The following ENTREP2 variants were observed in gnomAD, a reference collection of about 807,000 sequenced individuals.
ENTREP2 encodes the protein endosomal transmembrane epsin interactor 2, also known as protein ENTREP2.
chr15:29,653,034 T>C, the ENTREP2 span, among the ~76,000 whole-genome samples: 1 of 152,184 alleles, frequency 6.6e-6, no homozygotes, highest in Non-Finnish European at 1.5e-5. Flanking sequence ...GCAAGAAGTG[T>C]ATCCTTGGAT....
At chr15:29,501,795 C>T in the ENTREP2 span, among the ~76,000 whole-genome samples, 2 of 151,914 alleles carry the variant, frequency 1.3e-5, no homozygotes, top group African/African-American at 2.4e-5. Flanking sequence ...AATAAACACA[C>T]ATACATATTA....
At chr15:29,572,785 G>A in the ENTREP2 span, among the ~76,000 whole-genome samples, 1 of 151,892 alleles carries the variant, frequency 6.6e-6, no homozygotes, top group Non-Finnish European at 1.5e-5. Context: ...GAAGACTGGC[G>A]GCACACTGGG....
chr15:29,675,174 C>G, the ENTREP2 span: 1 of 152,764 alleles, frequency 6.5e-6, no homozygotes, highest in African/African-American at 2.4e-5. Context: ...GGTCGCCGAG[C>G]CTCCCCTGCC....
At chr15:29,662,782 G>A in the ENTREP2 span, among the ~76,000 whole-genome samples, 8 of 151,922 alleles carry the variant, frequency 5.3e-5, no homozygotes, top group African/African-American at 1.5e-4. Context: ...GTGCAATGGC[G>A]CAATCTCTGC....
the ENTREP2 span, among the ~76,000 whole-genome samples, chr15:29,444,186 GAAAGAAAGAAA>G: frequency 1.6e-5 from 1 of 63,436 alleles, no homozygotes; most frequent in South Asian, 5.6e-4. Context: ...AAGAAAGAAA[GAAAGAAAGAAA>G]GAAAGAAAGA....
chr15:29,118,957 C>T, the ENTREP2 span, among the ~76,000 whole-genome samples: 1 of 152,222 alleles, frequency 6.6e-6, no homozygotes, highest in African/African-American at 2.4e-5. Context: ...GGCCTGCCCA[C>T]AGCAGCGTGA....
At chr15:29,647,442 G>C in the ENTREP2 span, among the ~76,000 whole-genome samples, 2 of 152,126 alleles carry the variant, frequency 1.3e-5, no homozygotes, top group Non-Finnish European at 2.9e-5. Context: ...GTTATCCCTA[G>C]GTTTCCCGCA....
At chr15:29,190,288 G>T in the ENTREP2 span, among the ~76,000 whole-genome samples, 1 of 152,048 alleles carries the variant, frequency 6.6e-6, no homozygotes, top group East Asian at 1.9e-4. Context: ...TCCTCGCTCA[G>T]CCCCATAAGG....
chr15:29,267,098 T>G, the ENTREP2 span: 15 of 152,208 alleles, frequency 9.9e-5, no homozygotes, highest in African/African-American at 3.6e-4. Context: ...ATTCCACTGA[T>G]GAAACAAATG....
chr15:29,530,409 T>C, the ENTREP2 span, among the ~76,000 whole-genome samples: 303 of 152,298 alleles, frequency 2.0e-3, no homozygotes, highest in Non-Finnish European at 3.3e-3. Flanking sequence ...AAACACCAAC[T>C]TATAATAATC....
the ENTREP2 span, among the ~76,000 whole-genome samples, chr15:29,174,001 T>C: frequency 8.6e-5 from 13 of 150,496 alleles, no homozygotes; most frequent in Non-Finnish European, 1.3e-4. Flanking sequence ...CTGGGGAATA[T>C]TGAAGAGTCG....
chr15:29,507,209 A>G, the ENTREP2 span, among the ~76,000 whole-genome samples: 2 of 152,248 alleles, frequency 1.3e-5, no homozygotes, highest in Admixed American at 1.3e-4. Context: ...AGAGCTAACT[A>G]TCCTAAATAT....
At chr15:29,234,308 A>G in the ENTREP2 span, 12 of 1,610,288 alleles carry the variant, frequency 7.5e-6, 1 homozygote, top group Middle Eastern at 3.3e-4. Flanking sequence ...AAAAAGATAT[A>G]TGTAATCTGA....
At chr15:29,488,314 G>C in the ENTREP2 span, among the ~76,000 whole-genome samples, 2 of 152,120 alleles carry the variant, frequency 1.3e-5, no homozygotes, top group Non-Finnish European at 2.9e-5. Context: ...CTCAGTAACA[G>C]ACTTGACTAG....
chr15:29,646,603 T>C, the ENTREP2 span, among the ~76,000 whole-genome samples: 1 of 152,182 alleles, frequency 6.6e-6, no homozygotes. Context: ...TAAGGACTCG[T>C]GTAATTAGAT....
chr15:29,263,941 T>C, the ENTREP2 span, among the ~76,000 whole-genome samples: 1 of 151,846 alleles, frequency 6.6e-6, no homozygotes, highest in African/African-American at 2.4e-5. Context: ...GATCACGAGG[T>C]CAGGAGATTG....
the ENTREP2 span, among the ~76,000 whole-genome samples, chr15:29,429,284 C>A: frequency 6.6e-6 from 1 of 152,170 alleles, no homozygotes; most frequent in Non-Finnish European, 1.5e-5. Flanking sequence ...TGCACTGGTG[C>A]GATCTTGGCT....
the ENTREP2 span, among the ~76,000 whole-genome samples, chr15:29,441,722 G>C: frequency 1.4e-5 from 2 of 145,054 alleles, no homozygotes; most frequent in African/African-American, 5.1e-5. Flanking sequence ...CCCCCAAATT[G>C]CCCTGTATTG....
chr15:29,295,568 C>G, the ENTREP2 span, among the ~76,000 whole-genome samples: 1 of 152,166 alleles, frequency 6.6e-6, no homozygotes, highest in East Asian at 1.9e-4. Flanking sequence ...ACATATGATA[C>G]AGTTTATAAA....
Sources: allele counts gnomAD v4.1 joint callset (sites outside exome capture counted in the v4.1 genomes callset), GRCh38; gene constraint gnomAD v4.1.1; transcripts MANE v1.5; gene names NCBI Gene and HGNC (gene_info 2026-07-23, HGNC 2026-07-21).